The following FRMD4B variants were observed in gnomAD, a reference collection of about 807,000 sequenced individuals.
The protein encoded by FRMD4B is FERM domain containing 4B.
FRMD4B carries 74 observed loss-of-function variants against 141.5 expected under a neutral mutation model. That is an observed-to-expected ratio of 0.52 (90% CI 0.43 to 0.63). The LOEUF is 0.63. FRMD4B is among the 30% of genes least tolerant of loss of function. The pLI is 0.00. For missense variants in FRMD4B, 1,366 were observed against 1,253.4 expected, an observed-to-expected ratio of 1.09 and a Z score of -1.36; for synonymous variants, 506 against 467.9, an observed-to-expected ratio of 1.08 and a Z score of -1.05.
chr3:69,314,183 T>A (rs1575721813), intron 1 of FRMD4B, among the ~76,000 whole-genome samples: 9 of 66,850 alleles, frequency 1.3e-4, no homozygotes, highest in Admixed American at 4.0e-4. Flanking sequence ...AGCCTCTCCA[T>A]CCCAGAGGAA....
chr3:69,491,346 T>C (rs1157624179), intron 1 of FRMD4B, among the ~76,000 whole-genome samples: 1 of 151,546 alleles, frequency 6.6e-6, no homozygotes, highest in Non-Finnish European at 1.5e-5. Context: ...CCCTTCAGCA[T>C]TGAAAGACGG....
At chr3:69,185,136 T>C (rs1474745194) in intron 19 of FRMD4B, among the ~76,000 whole-genome samples, 1 of 151,634 alleles carries the variant, frequency 6.6e-6, no homozygotes, top group Non-Finnish European at 1.5e-5. Context: ...CCGTCTCTAC[T>C]AAAAACACAA....
chr3:69,323,653 T>TATATAA (rs1553723964), intron 1 of FRMD4B, among the ~76,000 whole-genome samples: 4 of 128,306 alleles, frequency 3.1e-5, no homozygotes, highest in African/African-American at 1.2e-4. Context: ...TATATATATA[T>TATATAA]GCGTTTTAAA....
intron 22 of FRMD4B, among the ~76,000 whole-genome samples, chr3:69,173,040 A>T (rs953374509): frequency 4.6e-5 from 7 of 152,214 alleles, no homozygotes; most frequent in African/African-American, 7.2e-5. Flanking sequence ...TACTGTACTT[A>T]CTACAGCTGG....
At chr3:69,267,612 T>C (rs2093570383) in intron 5 of FRMD4B, among the ~76,000 whole-genome samples, 7 of 87,860 alleles carry the variant, frequency 8.0e-5, no homozygotes, top group Admixed American at 4.1e-4. Flanking sequence ...TATATATATA[T>C]ATATATATAT....
chr3:69,380,577 G>A (rs1204330530), intron 1 of FRMD4B, among the ~76,000 whole-genome samples: 1 of 152,134 alleles, frequency 6.6e-6, no homozygotes, highest in Non-Finnish European at 1.5e-5. Context: ...CTCTTACCCA[G>A]GAGGAAATGA....
At chr3:69,228,836 A>T (rs74733013) in intron 7 of FRMD4B, among the ~76,000 whole-genome samples, 21 of 82,292 alleles carry the variant, frequency 2.6e-4, no homozygotes, top group East Asian at 6.6e-4. Flanking sequence ...TCTCTTATTT[A>T]AAAAAAAAAA....
At chr3:69,260,000 T>A (rs1442686046) in intron 5 of FRMD4B, among the ~76,000 whole-genome samples, 1 of 152,236 alleles carries the variant, frequency 6.6e-6, no homozygotes, top group Non-Finnish European at 1.5e-5. Flanking sequence ...GTGATATACC[T>A]ACAAATATCA....
chr3:69,299,619 T>C (rs1452457394), intron 4 of FRMD4B, among the ~76,000 whole-genome samples: 1 of 152,216 alleles, frequency 6.6e-6, no homozygotes, highest in Non-Finnish European at 1.5e-5. Flanking sequence ...AATTGCAATG[T>C]ACTTTTTCAT....
chr3:69,414,301 C>A (rs891101239), intron 2 of FRMD4B, among the ~76,000 whole-genome samples: 1 of 152,052 alleles, frequency 6.6e-6, no homozygotes, highest in African/African-American at 2.4e-5. Context: ...ACAAGACTGT[C>A]CGTCAAGCAG....
intron 1 of FRMD4B, among the ~76,000 whole-genome samples, chr3:69,517,897 C>T (rs1451209833): frequency 4.6e-5 from 7 of 152,222 alleles, no homozygotes; most frequent in South Asian, 4.2e-4. Flanking sequence ...GAACATCACC[C>T]GGAGTGTTTG....
In FRMD4B at chr3:69,270,815, C is replaced by T. The variant is rs557561418; in HGVS notation, c.501+16937G>A. 1.6e-4 allele frequency among the ~76,000 whole-genome samples: 25 copies of T among 152,210 alleles called. No homozygotes were observed. The East Asian group carries it at 3.7e-3, about 22-fold the overall frequency. On this transcript the variant is annotated intron_variant, in intron 5 of 22. Transcript: ENST00000398540. ...TCTTGACCTCGTGATCCGCCCGCCT[C>T]GGCCTCTCAAAGTGCTGGGATTACA...
chr3:69,174,340 T>C (rs1216781872), intron 22 of FRMD4B, among the ~76,000 whole-genome samples: 2 of 152,256 alleles, frequency 1.3e-5, no homozygotes, highest in African/African-American at 2.4e-5. Flanking sequence ...TGATGTTAAG[T>C]TTTTAAAAAA....
intron 1 of FRMD4B, among the ~76,000 whole-genome samples, chr3:69,346,969 T>A (rs1310664898): frequency 6.6e-6 from 1 of 152,150 alleles, no homozygotes; most frequent in East Asian, 1.9e-4. Flanking sequence ...AGGATCAAAT[T>A]CACTCATAAC....
At chr3:69,501,789 C>A (rs1461022304) in intron 1 of FRMD4B, among the ~76,000 whole-genome samples, 1 of 152,206 alleles carries the variant, frequency 6.6e-6, no homozygotes, top group Non-Finnish European at 1.5e-5. Context: ...ACCCCACTGT[C>A]TCAGCCCAAA....
intron 1 of FRMD4B, among the ~76,000 whole-genome samples, chr3:69,513,490 C>T (rs1706721655): frequency 6.6e-6 from 1 of 152,106 alleles, no homozygotes; most frequent in South Asian, 2.1e-4. Context: ...AAGAATAACA[C>T]CAATCCTCCC....
At chr3:69,203,571 T>G (rs571461256) in intron 11 of FRMD4B, among the ~76,000 whole-genome samples, 1 of 152,158 alleles carries the variant, frequency 6.6e-6, no homozygotes, top group South Asian at 2.1e-4. Flanking sequence ...GTGAACCAAG[T>G]CAGATTGCCT....
intron 5 of FRMD4B, among the ~76,000 whole-genome samples, chr3:69,285,239 C>CA (rs560305754): frequency 8.2e-6 from 1 of 122,410 alleles, no homozygotes; most frequent in Non-Finnish European, 1.9e-5. Context: ...GATTAGATTG[C>CA]AAAAAACAGA....
chr3:69,222,045 G>A, intron 8 of FRMD4B, 122 bp from the exon 9 acceptor site: 2 of 665,122 alleles, frequency 3.0e-6, no homozygotes, highest in South Asian at 3.4e-5. Flanking sequence ...AACTTGTTTG[G>A]TAGATAGAGT....
Sources: gnomAD v4.1 joint callset for allele counts (sites outside exome capture counted in the v4.1 genomes callset) on GRCh38, gnomAD v4.1.1 for gene constraint, MANE v1.5 for transcripts, NCBI Gene and HGNC (gene_info 2026-07-23, HGNC 2026-07-21) for gene names.